ATRNL1: variants seen among roughly 807,000 people sequenced by gnomAD.
ATRNL1 encodes the protein attractin-like protein 1.
A neutral mutation model predicts 182.7 loss-of-function variants in ATRNL1; 95 were observed. That is an observed-to-expected ratio of 0.52 (90% CI 0.44 to 0.62). The LOEUF is 0.62. Ranked by LOEUF, ATRNL1 falls within the 20% of genes least tolerant of loss-of-function variation. The probability of loss-of-function intolerance (pLI) is 0.00; values close to 1 mark genes in which losing one functional copy is unlikely to be tolerated. For synonymous variants in ATRNL1, 576 were observed against 568.3 expected, an observed-to-expected ratio of 1.01 and a Z score of -0.19; for missense variants, 1,471 against 1,679.5, an observed-to-expected ratio of 0.88 and a Z score of 2.17.
chr10:115,457,362 G>T (rs1357059285), intron 21 of ATRNL1, among the ~76,000 whole-genome samples: 2 of 152,018 alleles, frequency 1.3e-5, no homozygotes, highest in African/African-American at 4.8e-5. Context: ...CCAATCGAGA[G>T]AGTGGGTGGG....
At chr10:115,887,241 C>T (rs552731977) in intron 28 of ATRNL1, among the ~76,000 whole-genome samples, 107 of 152,268 alleles carry the variant, frequency 7.0e-4, no homozygotes, top group Non-Finnish European at 1.1e-3. Flanking sequence ...TTGACCATCT[C>T]GAAGGTGCCC....
At chr10:115,520,837 C>T (rs557110178) in intron 25 of ATRNL1, among the ~76,000 whole-genome samples, 1 of 152,090 alleles carries the variant, frequency 6.6e-6, no homozygotes, top group Non-Finnish European at 1.5e-5. Flanking sequence ...GAAACCTTTG[C>T]CATATTGGTC....
At chr10:115,458,163 C>A (rs1847618525) in intron 21 of ATRNL1, among the ~76,000 whole-genome samples, 1 of 152,046 alleles carries the variant, frequency 6.6e-6, no homozygotes, top group African/African-American at 2.4e-5. Flanking sequence ...CCCTACTTAG[C>A]TAAGAAGTTC....
At chr10:115,846,868 T>C (rs1294288500) in intron 27 of ATRNL1, among the ~76,000 whole-genome samples, 2 of 152,142 alleles carry the variant, frequency 1.3e-5, no homozygotes, top group Non-Finnish European at 2.9e-5. Flanking sequence ...TAACTAGCTA[T>C]ATGAATCTGA....
At chr10:115,345,999 C>G (rs138832358) in intron 19 of ATRNL1, among the ~76,000 whole-genome samples, 2,348 of 152,202 alleles carry the variant, frequency 0.015, 35 homozygotes, top group Admixed American at 0.026. Flanking sequence ...TATTGAATAT[C>G]TTTTGATGTG....
At chr10:115,555,156 G>C (rs1198749571) in intron 26 of ATRNL1, among the ~76,000 whole-genome samples, 2 of 151,718 alleles carry the variant, frequency 1.3e-5, no homozygotes, top group Admixed American at 6.6e-5. Flanking sequence ...CTGGAGCTCA[G>C]GGGTGGGTTC....
chr10:115,937,639 A>G (rs1555123193), intron 28 of ATRNL1, among the ~76,000 whole-genome samples: 2 of 152,232 alleles, frequency 1.3e-5, no homozygotes. Context: ...AAAGTTTCCC[A>G]AAGTCACTTT....
In ATRNL1 at chr10:115,410,733, A is replaced by C. The variant is rs555888524; in HGVS notation, c.3270-15517A>C. On this transcript the variant is annotated intron_variant, in intron 20 of 28. Coordinates refer to ENST00000355044, the MANE Select transcript of ATRNL1 (RefSeq NM_207303.4). The stretch of plus-strand genomic sequence containing the variant: ...TTATATCTTTATATCTTCATTTAAA[A>C]AGAAATATTTTATTTTCAGAGACAG... 5.5e-3 allele frequency among the ~76,000 whole-genome samples: 831 copies of C among 152,256 alleles called. 9 individuals carry two copies. The highest frequency in any genetic ancestry group is 0.019 in the African/African-American group (800 of 41,542).
chr10:115,411,916 G>A (rs1554959981), intron 20 of ATRNL1, among the ~76,000 whole-genome samples: 1 of 151,724 alleles, frequency 6.6e-6, no homozygotes, highest in Non-Finnish European at 1.5e-5. Flanking sequence ...TTTATGTTGG[G>A]CAGCTCCTAT....
At chr10:115,781,711 C>A (rs1819645475) in intron 27 of ATRNL1, among the ~76,000 whole-genome samples, 1 of 152,182 alleles carries the variant, frequency 6.6e-6, no homozygotes, top group Admixed American at 6.5e-5. Flanking sequence ...TGATGAAAAT[C>A]TTTTATTTTT....
At chr10:115,802,021 AACAC>A (rs60513803) in intron 27 of ATRNL1, among the ~76,000 whole-genome samples, 435 of 125,988 alleles carry the variant, frequency 3.5e-3, no homozygotes, top group African/African-American at 0.012. Context: ...AAAAAAAAGA[AACAC>A]ACACACACAC....
At chr10:115,718,145 A>G in intron 26 of ATRNL1, among the ~76,000 whole-genome samples, 1 of 152,218 alleles carries the variant, frequency 6.6e-6, no homozygotes, top group Non-Finnish European at 1.5e-5. Context: ...TTGTGTGTGC[A>G]AAAAATAAAC....
chr10:115,499,878 C>T (rs113184180), intron 24 of ATRNL1, among the ~76,000 whole-genome samples: 69 of 152,228 alleles, frequency 4.5e-4, no homozygotes, highest in African/African-American at 1.6e-3. Context: ...TTTCCTTTCA[C>T]GTTTACTCCT....
At chr10:115,864,212 T>C (rs1390961676) in intron 28 of ATRNL1, among the ~76,000 whole-genome samples, 2 of 151,042 alleles carry the variant, frequency 1.3e-5, no homozygotes, top group African/African-American at 4.9e-5. Context: ...TAAGCTGAGA[T>C]TGCACCACTG....
intron 26 of ATRNL1, 61 bp downstream of exon 26, chr10:115,549,597 T>A (rs1169518925): frequency 4.4e-6 from 5 of 1,138,026 alleles, no homozygotes; most frequent in Non-Finnish European, 6.2e-6. Flanking sequence ...GGATCTCTAT[T>A]GTCTGTTAAT....
At chr10:115,585,753 G>A (rs11197315) in intron 26 of ATRNL1, among the ~76,000 whole-genome samples, 37,972 of 43,636 alleles carry the variant, frequency 0.87, 18,473 homozygotes, top group East Asian at 1. Context: ...GTCCATTTAC[G>A]TTTAAAGTTA....
At chr10:115,329,777 A>G (rs138327031) in intron 18 of ATRNL1, among the ~76,000 whole-genome samples, 49 of 152,212 alleles carry the variant, frequency 3.2e-4, no homozygotes, top group Non-Finnish European at 6.2e-4. Context: ...TTAAAGGTGA[A>G]TTGAATCTTT....
intron 21 of ATRNL1, 104 bp downstream of exon 21, chr10:115,426,406 A>T: frequency 1.4e-6 from 1 of 739,502 alleles, no homozygotes; most frequent in East Asian, 2.7e-5. Context: ...ATATCTTGCA[A>T]TTTCTATTTC....
intron 28 of ATRNL1, among the ~76,000 whole-genome samples, chr10:115,852,759 A>G (rs1555100860): frequency 2.0e-5 from 3 of 152,156 alleles, no homozygotes; most frequent in Admixed American, 1.3e-4. Flanking sequence ...AAGGACCTAG[A>G]GGGTCTCTGC....
Sources: allele counts gnomAD v4.1 joint callset (sites outside exome capture counted in the v4.1 genomes callset), GRCh38; gene constraint gnomAD v4.1.1; transcripts MANE v1.5; gene names NCBI Gene and HGNC (gene_info 2026-07-23, HGNC 2026-07-21).